The following FAM193A variants were observed in gnomAD, a reference collection of about 807,000 sequenced individuals.
The protein encoded by FAM193A is family with sequence similarity 193 member A.
A neutral mutation model predicts 126.5 loss-of-function variants in FAM193A; 22 were observed. The observed-to-expected ratio is 0.17, with a 90% CI of 0.12 to 0.25. The LOEUF (loss-of-function observed/expected upper bound fraction) is 0.25. Among genes scored for constraint, FAM193A ranks in the 10% least tolerant of loss-of-function variants. The pLI is 1.00. For missense variants in FAM193A, 1,675 were observed against 1,672.8 expected (o/e 1.00, Z -0.02); for synonymous variants, 761 against 646.8 (o/e 1.18, Z -2.68).
chr4:2,715,685 G>C (rs927903767), intron 19 of FAM193A, among the ~76,000 whole-genome samples: 2 of 152,184 alleles, frequency 1.3e-5, no homozygotes, highest in East Asian at 3.9e-4. Context: ...GTGCGAATTA[G>C]ATTTCTGGGA....
rs139214890 is a variant in FAM193A at position 2,693,858 on chromosome 4, C to T, written c.3076C>T (p.Pro1026Ser). The change falls in exon 16 of 21, where the codon CCT becomes TCT. Residue 1026 changes from proline (P) to serine (S), a missense_variant. Coordinates refer to ENST00000637812, the MANE Select transcript of FAM193A (RefSeq NM_001366318.2). The part of the protein sequence containing the change: ...PPATDGSISA[P>S]PSVCSDPDCE... Reference sequence around the variant, plus strand: ...GGCCACAGATGGCTCCATTAGCGCCCCTCCAAGTGTCTGCAGGTGAGCCAA... The same window carrying T: ...GGCCACAGATGGCTCCATTAGCGCCTCTCCAAGTGTCTGCAGGTGAGCCAA... The T allele has an allele frequency of 1.1e-3, 1,761 of 1,613,502 alleles. 8 individuals carry two copies. In the Middle Eastern group the frequency reaches 0.021, roughly 20 times the overall value.
chr4:2,648,228 A>G (rs1745334637), intron 7 of FAM193A, among the ~76,000 whole-genome samples: 1 of 152,122 alleles, frequency 6.6e-6, no homozygotes, highest in Non-Finnish European at 1.5e-5. Context: ...TCAGTGGAGT[A>G]AGTTCCAACT....
intron 20 of FAM193A, among the ~76,000 whole-genome samples, chr4:2,724,938 G>A (rs1225972632): frequency 6.6e-6 from 1 of 152,072 alleles, no homozygotes; most frequent in African/African-American, 2.4e-5. Context: ...TGCAATTGGT[G>A]CAATCTCGGC....
chr4:2,599,692 A>G (rs1383406861), intron 2 of FAM193A, among the ~76,000 whole-genome samples: 1 of 151,490 alleles, frequency 6.6e-6, no homozygotes, highest in Middle Eastern at 3.2e-3. Context: ...TTTCATCTTG[A>G]TCATTGTCTG....
chr4:2,717,754 GAAAAAAAA>G, intron 20 of FAM193A, among the ~76,000 whole-genome samples: 1 of 137,154 alleles, frequency 7.3e-6, no homozygotes, highest in Non-Finnish European at 1.6e-5. Flanking sequence ...GACCCTGTCT[GAAAAAAAA>G]AAAAAAAAAA....
Position 2,580,985 on chromosome 4 carries a change from C to T in FAM193A, c.256-15099C>T, listed in dbSNP as rs187340681. On this transcript the variant is annotated intron_variant, in intron 1 of 20. Transcript: ENST00000637812. ...TCTACTAAAAATACAAAAAATTAGC[C>T]GGGTGTGGTGGCGGGCACCTGTAGT... Among the ~76,000 whole-genome samples the T allele has an allele frequency of 8.0e-3, 1,219 of 151,948 alleles. 16 individuals are homozygous for T. Among genetic ancestry groups the T allele is most frequent in the African/African-American group, 0.028 (1,159 of 41,476 alleles).
At chr4:2,710,610 C>T (rs911996465) in intron 19 of FAM193A, among the ~76,000 whole-genome samples, 1 of 151,238 alleles carries the variant, frequency 6.6e-6, no homozygotes, top group African/African-American at 2.4e-5. Flanking sequence ...TCGGGTGATC[C>T]TCCCCACTCA....
chr4:2,614,117 A>G (rs1314768841), intron 2 of FAM193A, among the ~76,000 whole-genome samples: 3 of 152,088 alleles, frequency 2.0e-5, no homozygotes, highest in Non-Finnish European at 2.9e-5. Context: ...TCTACAAATA[A>G]TGTGTTTCTT....
intron 1 of FAM193A, among the ~76,000 whole-genome samples, chr4:2,583,672 C>G (rs1433029596): frequency 6.6e-6 from 1 of 152,188 alleles, no homozygotes; most frequent in Non-Finnish European, 1.5e-5. Context: ...TCCTGACAGC[C>G]TGTACTCAGC....
intron 2 of FAM193A, among the ~76,000 whole-genome samples, chr4:2,607,121 A>G (rs1741595379): frequency 6.6e-6 from 1 of 152,218 alleles, no homozygotes; most frequent in African/African-American, 2.4e-5. Flanking sequence ...GTGCCGGAGA[A>G]ATAAATGCTC....
intron 20 of FAM193A, among the ~76,000 whole-genome samples, chr4:2,722,086 A>G (rs1230360294): frequency 6.6e-6 from 1 of 152,212 alleles, no homozygotes; most frequent in Non-Finnish European, 1.5e-5. Context: ...AATTACTCCA[A>G]ACCCTAGGGC....
intron 5 of FAM193A, among the ~76,000 whole-genome samples, chr4:2,632,384 G>A (rs531130866): frequency 6.6e-6 from 1 of 152,098 alleles, no homozygotes; most frequent in South Asian, 2.1e-4. Context: ...TAGGCAACAT[G>A]GGGAGACCCC....
At chr4:2,563,999 T>C (rs28399364) in intron 1 of FAM193A, among the ~76,000 whole-genome samples, 10,361 of 152,282 alleles carry the variant, frequency 0.068, 627 homozygotes, top group African/African-American at 0.16. Flanking sequence ...CTGTATTGCT[T>C]AGGGTTCAGA....
chr4:2,678,724 T>A (rs1714742190), intron 13 of FAM193A, among the ~76,000 whole-genome samples: 1 of 152,234 alleles, frequency 6.6e-6, no homozygotes, highest in Non-Finnish European at 1.5e-5. Context: ...CTTTTCCAAC[T>A]GACCATTGTT....
At position 2,690,989 on chromosome 4, in the gene FAM193A, C is replaced by A. The variant is rs758708413; in HGVS notation, c.2803+19C>A. 10 of 1,602,020 alleles carry A rather than the reference C, an allele frequency of 6.2e-6. No homozygotes were observed. In the East Asian group the frequency reaches 2.2e-4, roughly 36 times the overall value. On this transcript the variant is annotated intron_variant, in intron 15 of 20. Coordinates refer to ENST00000637812, the MANE Select transcript of FAM193A (RefSeq NM_001366318.2). The stretch of plus-strand genomic sequence containing the variant: ...TCAGTAGGTAAGGCTTGAAGGCTCA[C>A]TGGCCCTCGGGGTCTGCAGGAAGGC...
chr4:2,692,380 T>C (rs1716498617), intron 15 of FAM193A, among the ~76,000 whole-genome samples: 1 of 152,060 alleles, frequency 6.6e-6, no homozygotes, highest in African/African-American at 2.4e-5. Flanking sequence ...TTCCACCACA[T>C]GGGGGGATTA....
intron 1 of FAM193A, among the ~76,000 whole-genome samples, chr4:2,585,743 A>G (rs1191303040): frequency 2.0e-5 from 3 of 152,092 alleles, no homozygotes; most frequent in African/African-American, 4.8e-5. Context: ...CCTGGCCAAC[A>G]TGGCAAAACC....
chr4:2,630,744 C>T (rs942451820), intron 4 of FAM193A, among the ~76,000 whole-genome samples, 191 bp from the exon 5 acceptor site: 2 of 152,248 alleles, frequency 1.3e-5, no homozygotes, highest in Non-Finnish European at 2.9e-5. Flanking sequence ...TCCCTAGTGA[C>T]ACTCTGTGCC....
intron 6 of FAM193A, among the ~76,000 whole-genome samples, chr4:2,641,758 C>T (rs879008281): frequency 6.6e-6 from 1 of 152,160 alleles, no homozygotes; most frequent in Admixed American, 6.5e-5. Context: ...ACCATCTCCA[C>T]TTCATAACCT....
Sources: allele counts gnomAD v4.1 joint callset (sites outside exome capture counted in the v4.1 genomes callset), GRCh38; gene constraint gnomAD v4.1.1; transcripts MANE v1.5; gene names NCBI Gene and HGNC (gene_info 2026-07-23, HGNC 2026-07-21).